The following FCHSD2 variants were observed in gnomAD, a reference collection of about 807,000 sequenced individuals.
The protein encoded by FCHSD2 is F-BAR and double SH3 domains protein 2.
FCHSD2 carries 38 observed loss-of-function variants against 108.1 expected under a neutral mutation model. The ratio of observed to expected loss-of-function variants is 0.35; its 90% CI spans 0.27 to 0.46. The LOEUF (loss-of-function observed/expected upper bound fraction) is 0.46, where lower values mean the gene tolerates loss of function less well. Ranked by LOEUF, FCHSD2 falls within the 20% of genes least tolerant of loss-of-function variation. The pLI, the probability that FCHSD2 is intolerant of heterozygous loss-of-function variation, is 1.00. For missense variants in FCHSD2, 751 were observed against 897.8 expected (o/e 0.84, Z 2.09); for synonymous variants, 279 against 314.7 (o/e 0.89, Z 1.20).
chr11:72,975,892 C>T (rs974860160), intron 8 of FCHSD2, among the ~76,000 whole-genome samples: 3 of 152,146 alleles, frequency 2.0e-5, no homozygotes, highest in African/African-American at 2.4e-5. Flanking sequence ...ATTAAATTGA[C>T]GTTTGTTCTC....
chr11:73,059,710 G>C (rs1198636078), intron 3 of FCHSD2, among the ~76,000 whole-genome samples: 1 of 151,860 alleles, frequency 6.6e-6, no homozygotes, highest in South Asian at 2.1e-4. Context: ...TTTTCTGTGA[G>C]GTTTTCTTTC....
intron 3 of FCHSD2, among the ~76,000 whole-genome samples, chr11:73,033,847 A>G (rs1473035923): frequency 1.3e-5 from 2 of 152,174 alleles, no homozygotes; most frequent in Non-Finnish European, 2.9e-5. Flanking sequence ...CCAGTTAACA[A>G]CTAGTATACT....
intron 3 of FCHSD2, among the ~76,000 whole-genome samples, chr11:73,042,109 T>C (rs1179897231): frequency 6.6e-6 from 1 of 152,066 alleles, no homozygotes; most frequent in African/African-American, 2.4e-5. Flanking sequence ...TTATTTTTAG[T>C]AGAGACAGGG....
At chr11:73,069,981 G>C (rs187466666) in intron 3 of FCHSD2, among the ~76,000 whole-genome samples, 1 of 152,286 alleles carries the variant, frequency 6.6e-6, no homozygotes, top group Non-Finnish European at 1.5e-5. Flanking sequence ...CAGGTAGAAA[G>C]TTAGAATGCA....
At chr11:72,980,780 C>T (rs1027566201) in intron 8 of FCHSD2, among the ~76,000 whole-genome samples, 1 of 151,262 alleles carries the variant, frequency 6.6e-6, no homozygotes, top group African/African-American at 2.4e-5. Flanking sequence ...ATATACATCT[C>T]ACTCTCTTCT....
chr11:73,017,906 C>A (rs190383163), intron 3 of FCHSD2, among the ~76,000 whole-genome samples: 358 of 152,142 alleles, frequency 2.4e-3, no homozygotes, highest in Non-Finnish European at 2.4e-3. Flanking sequence ...AATAGCTATT[C>A]TTTCTATATT....
chr11:72,891,418 TAATC>T (rs1292291150), intron 10 of FCHSD2, among the ~76,000 whole-genome samples: 1 of 152,188 alleles, frequency 6.6e-6, no homozygotes, highest in Non-Finnish European at 1.5e-5. Flanking sequence ...TAGAGCAAAA[TAATC>T]AATATTCAAA....
In FCHSD2 at chr11:73,000,137, T is replaced by TG. The variant is rs1265148542; in HGVS notation, c.387+852dup. Among the ~76,000 whole-genome samples the TG allele has an allele frequency of 2.6e-5, 4 of 152,130 alleles. No homozygotes were observed. In the East Asian group the frequency reaches 7.7e-4, roughly 29 times the overall value. On this transcript the variant is annotated intron_variant, in intron 5 of 19. Transcript: ENST00000409418. ...GAATCATCTTTGGCAAACGGAAAATTGGGGGGTTTTTGGTGGGAAAGGTGT... is the reference window on the plus strand; with the variant it reads ...GAATCATCTTTGGCAAACGGAAAATTGGGGGGGTTTTTGGTGGGAAAGGTGT...
rs1289461926 is a variant in FCHSD2 at position 72,984,120 on chromosome 11, A to G, written c.673T>C (p.Tyr225His). Residue 225 changes from tyrosine to histidine, a missense_variant, in exon 8 of 20, where the codon TAC becomes CAC. Physicochemically the swap from Tyr to His is moderately conservative, Grantham distance 83 (BLOSUM62 2). Coordinates refer to ENST00000409418, the MANE Select transcript of FCHSD2 (RefSeq NM_014824.3). ...ATGTTAACTAAATCTGTTTGATAGTAGCGATCCTGATGTGCATTTGCTGCC... is the reference window on the plus strand; with the variant it reads ...ATGTTAACTAAATCTGTTTGATAGTGGCGATCCTGATGTGCATTTGCTGCC... ...LAAANAHQDRYYQTDLVNIMK... is the reference protein window; with the variant it reads ...LAAANAHQDRHYQTDLVNIMK... 1.2e-6 allele frequency: 2 copies of G among 1,613,384 alleles called. No homozygotes were observed. Among genetic ancestry groups the G allele is most frequent in the African/African-American group, 2.7e-5 (2 of 74,940 alleles).
At chr11:72,904,081 C>T (rs181414633) in intron 9 of FCHSD2, among the ~76,000 whole-genome samples, 176 of 152,182 alleles carry the variant, frequency 1.2e-3, no homozygotes, top group Non-Finnish European at 1.9e-3. Flanking sequence ...GTAAAGGGTA[C>T]GAGAAGAGAA....
chr11:72,887,584 A>C lies in FCHSD2; in HGVS notation c.1042-10T>G. 1 of 1,478,804 alleles carries C rather than the reference A, an allele frequency of 6.8e-7. No individual in the cohort carries two copies. Among genetic ancestry groups the C allele is most frequent in the Non-Finnish European group, 9.1e-7 (1 of 1,096,726 alleles). The allele number at this position is 1,478,804 out of a possible 1,614,324, so 91.6% of individuals were successfully genotyped here. A position where few individuals can be genotyped will look rare whatever the true frequency, so the allele number is the denominator to read the frequency against. On this transcript the variant is annotated splice_polypyrimidine_tract_variant and intron_variant, in intron 11 of 19. Transcript: ENST00000409418. Reference sequence around the variant, plus strand: ...CCAGATCATTTAGAACCTATTAAAGAAAATGGGACAATAATGATGACTGTT... The same window carrying C: ...CCAGATCATTTAGAACCTATTAAAGCAAATGGGACAATAATGATGACTGTT...
At chr11:72,905,058 C>T (rs978177242) in intron 9 of FCHSD2, among the ~76,000 whole-genome samples, 3 of 152,118 alleles carry the variant, frequency 2.0e-5, no homozygotes, top group African/African-American at 7.2e-5. Flanking sequence ...TGAATGGTAG[C>T]CTCTCAAAAG....
intron 6 of FCHSD2, among the ~76,000 whole-genome samples, chr11:72,987,259 C>T (rs1414664848): frequency 1.3e-5 from 2 of 152,186 alleles, no homozygotes; most frequent in Admixed American, 1.3e-4. Flanking sequence ...AAAATTTATA[C>T]TCATTCCTCA....
rs1565339614 is a variant in FCHSD2 at position 72,954,196 on chromosome 11, A to AATTTTTTTTTTTTTTTTTTTTTTTTT, written c.705+29891_705+29892insAAAAAAAAAAAAAAAAAAAAAAAAAT. On this transcript the variant is annotated intron_variant, in intron 8 of 19. Transcript: ENST00000409418. Reference sequence around the variant, plus strand: ...TAGAATATTAGCAGTAGATGTGGGGATTTTTTTTTTTTTTTTTTTTTTTTT... The same window carrying AATTTTTTTTTTTTTTTTTTTTTTTTT: ...TAGAATATTAGCAGTAGATGTGGGGAATTTTTTTTTTTTTTTTTTTTTTTTTTTTTTTTTTTTTTTTTTTTTTTTTT... Among the ~76,000 whole-genome samples the AATTTTTTTTTTTTTTTTTTTTTTTTT allele has an allele frequency of 8.1e-5, 9 of 111,702 alleles. 4 individuals are homozygous for AATTTTTTTTTTTTTTTTTTTTTTTTT. The highest frequency in any genetic ancestry group is 1.7e-4 in the African/African-American group (5 of 29,398). The allele number at this position is 111,702 out of a possible 152,430, so 73.3% of individuals were successfully genotyped here.
intron 2 of FCHSD2, among the ~76,000 whole-genome samples, chr11:73,113,000 G>A (rs566420416): frequency 6.6e-5 from 10 of 152,152 alleles, no homozygotes; most frequent in Admixed American, 2.0e-4. Context: ...TCTAGATCTG[G>A]TAGGCGTGCT....
chr11:72,844,137 G>A (rs528302859), intron 14 of FCHSD2, among the ~76,000 whole-genome samples: 186 of 152,278 alleles, frequency 1.2e-3, no homozygotes, highest in African/African-American at 3.9e-3. Context: ...CCATTTTCTG[G>A]AGGATGTGAG....
chr11:72,908,738 C>A (rs1476794378), intron 9 of FCHSD2, among the ~76,000 whole-genome samples: 1 of 152,198 alleles, frequency 6.6e-6, no homozygotes, highest in Non-Finnish European at 1.5e-5. Flanking sequence ...ACAATCTCAG[C>A]TCACTGCAGC....
chr11:72,844,818 T>C (rs1451495358), intron 14 of FCHSD2, among the ~76,000 whole-genome samples: 1 of 152,148 alleles, frequency 6.6e-6, no homozygotes, highest in East Asian at 1.9e-4. Context: ...TCAAGATCAA[T>C]TTCCCATTTT....
At chr11:73,047,755 T>C (rs944760696) in intron 3 of FCHSD2, among the ~76,000 whole-genome samples, 1 of 152,236 alleles carries the variant, frequency 6.6e-6, no homozygotes, top group African/African-American at 2.4e-5. Flanking sequence ...CAAAATGCTA[T>C]AAAATGTATT....
Sources: allele counts gnomAD v4.1 joint callset (sites outside exome capture counted in the v4.1 genomes callset), GRCh38; gene constraint gnomAD v4.1.1; transcripts MANE v1.5; gene names NCBI Gene and HGNC (gene_info 2026-07-23, HGNC 2026-07-21).